Variants in PCOLCE observed in about 807,000 individuals in gnomAD.
The protein encoded by PCOLCE is procollagen C-endopeptidase enhancer, also known as procollagen C-endopeptidase enhancer 1.
PCOLCE carries 33 observed loss-of-function variants against 47.2 expected under a neutral mutation model. The ratio of observed to expected loss-of-function variants is 0.70; its 90% CI spans 0.53 to 0.93. The LOEUF (loss-of-function observed/expected upper bound fraction) is 0.93, where lower values mean the gene tolerates loss of function less well. PCOLCE is among the 40% of genes least tolerant of loss of function. PCOLCE has a pLI of 0.00. For synonymous variants in PCOLCE, 254 were observed against 252.5 expected (o/e 1.01, Z -0.06); for missense variants, 584 against 585.3 (o/e 1.00, Z 0.02).
At chr7:100,602,986 C>G in intron 1 of PCOLCE, 3 of 223,916 alleles carry the variant, frequency 1.3e-5, no homozygotes, top group Non-Finnish European at 2.6e-5. Context: ...CGGAGCCTGG[C>G]CTCCAGGTTC....
rs199764794 is a variant in PCOLCE at position 100,608,011 on chromosome 7, C to T, written c.1258C>T (p.Leu420Phe). Residue 420 changes from leucine to phenylalanine, a missense_variant, in exon 9 of 9, where the codon CTC (leucine) becomes TTC (phenylalanine). Coordinates refer to ENST00000223061, the MANE Select transcript of PCOLCE (RefSeq NM_002593.4). ...CCTTCCTCCAGAGAGCTTTGTGGTT[C>T]TCCACCGGCCCAACCAGGACCAGAT... ...PVLPPESFVVLHRPNQDQILT... is the reference protein window; with the variant it reads ...PVLPPESFVVFHRPNQDQILT... The T allele has an allele frequency of 6.2e-7, 1 of 1,614,106 alleles. No individual in the cohort carries two copies. Among genetic ancestry groups the T allele is most frequent in the Non-Finnish European group, 8.5e-7 (1 of 1,179,994 alleles).
In PCOLCE at chr7:100,606,637, C is replaced by A; in HGVS notation, c.940+7C>A. ...GAATCTCCTTCAGCCCCTGGTGAGT[C>A]TGGGATAGGGGAGGAAGGGGAAACA... On this transcript the variant is annotated splice_region_variant and intron_variant, in intron 6 of 8. Coordinates refer to ENST00000223061, the MANE Select transcript of PCOLCE (RefSeq NM_002593.4). 1.3e-6 allele frequency: 2 copies of A among 1,590,448 alleles called. No homozygotes were observed.
chr7:100,603,962 C>T lies in PCOLCE; in HGVS notation c.208C>T (p.Pro70Ser), dbSNP rs1310868097. Residue 70 changes from proline to serine, a missense_variant, in exon 3 of 9, where the codon CCC becomes TCC. Pro to Ser is a moderately conservative substitution (Grantham distance 74). Transcript: ENST00000223061. ...CCGCCTCTGTCCCCGCTATCAGGTC[C>T]CCGAGGGCCAGACTGTGTCCCTCTC... ...NKECIWTITV[P>S]EGQTVSLSFR... 1 of 1,600,796 alleles carries T rather than the reference C, an allele frequency of 6.2e-7. No individual in the cohort carries two copies. The highest frequency in any genetic ancestry group is 2.2e-5 in the East Asian group (1 of 44,880).
chr7:100,603,738 C>T (rs1186056998), intron 2 of PCOLCE, 200 bp downstream of exon 2: 4 of 612,882 alleles, frequency 6.5e-6, no homozygotes, highest in Non-Finnish European at 2.9e-6. Flanking sequence ...CTTCATTCTC[C>T]AGTCCCCGGC....
In PCOLCE at chr7:100,605,883, C is replaced by T; in HGVS notation, c.725+71C>T. Reference sequence around the variant, plus strand: ...GCACGCACGCGGCTGTTTGGAGGGGCGGGGTTCAGCTAAAGGGACGGGATC... The same window carrying T: ...GCACGCACGCGGCTGTTTGGAGGGGTGGGGTTCAGCTAAAGGGACGGGATC... On this transcript the variant is annotated intron_variant, in intron 5 of 8. Coordinates refer to ENST00000223061, the MANE Select transcript of PCOLCE (RefSeq NM_002593.4). The surrounding 1 kb of genome is among the most constrained non-coding windows in gnomAD (Gnocchi z 6.1). 6.8e-7 allele frequency: 1 copy of T among 1,477,734 alleles called. No individual in the cohort carries two copies. The allele number at this position is 1,477,734 out of a possible 1,614,324, so 91.5% of individuals were successfully genotyped here.
chr7:100,603,108 C>T, intron 1 of PCOLCE: 1 of 290,824 alleles, frequency 3.4e-6, no homozygotes, highest in East Asian at 7.4e-5. Flanking sequence ...TGTCCCTGGA[C>T]TGCCAGGCAG....
Position 100,607,485 on chromosome 7 carries a change from C to CAGGCACCTTGCAGAGCA in PCOLCE, c.976_992dup (p.Asn331LysfsTer15), listed in dbSNP as rs1802737473. On this transcript the variant is annotated frameshift_variant, in exon 7 of 9. Transcript: ENST00000223061. LOFTEE classifies it high-confidence loss of function. ...ACCTGCCCAAAGCAGTGCCGCCGGACAGGCACCTTGCAGAGCAACTTCTGT... is the reference window on the plus strand; with the variant it reads ...ACCTGCCCAAAGCAGTGCCGCCGGACAGGCACCTTGCAGAGCAAGGCACCTTGCAGAGCAACTTCTGT... 4 of 1,614,120 alleles carry CAGGCACCTTGCAGAGCA rather than the reference C, an allele frequency of 2.5e-6. No individual in the cohort carries two copies. The highest frequency in any genetic ancestry group is 3.4e-6 in the Non-Finnish European group (4 of 1,180,014).
In PCOLCE at chr7:100,608,008, GTTC is replaced by G; in HGVS notation, c.1257_1259del (p.Leu420del). The stretch of plus-strand genomic sequence containing the variant: ...CGTCCTTCCTCCAGAGAGCTTTGTG[GTTC>G]TCCACCGGCCCAACCAGGACCAGAT... On this transcript the variant is annotated inframe_deletion, in exon 9 of 9. Coordinates refer to ENST00000223061, the MANE Select transcript of PCOLCE (RefSeq NM_002593.4). 1.2e-6 allele frequency: 2 copies of G among 1,614,108 alleles called. No individual in the cohort carries two copies. The highest frequency in any genetic ancestry group is 1.7e-6 in the Non-Finnish European group (2 of 1,180,004).
chr7:100,604,766 C>T lies in PCOLCE; in HGVS notation c.464-325C>T, dbSNP rs1802681309. 2.6e-6 allele frequency: 1 copy of T among 380,946 alleles called. No homozygotes were observed. The highest frequency in any genetic ancestry group is 2.1e-5 in the African/African-American group (1 of 48,126). 23.6% of individuals were successfully genotyped at this position (380,946 alleles called of 1,614,324 possible). ...TCCAGCCTGAAAGGGGACTCTGCTG[C>T]AGGGCCGGGGAGATGGGATCTCCTA... On this transcript the variant is annotated intron_variant, in intron 3 of 8. Coordinates refer to ENST00000223061, the MANE Select transcript of PCOLCE (RefSeq NM_002593.4). The surrounding 1 kb of genome is among the most constrained non-coding windows in gnomAD (Gnocchi z 6.4).
rs749999227 is a variant in PCOLCE at position 100,607,696 on chromosome 7, G to A, written c.1072G>A (p.Val358Ile). The change falls in exon 8 of 9, where the codon GTC becomes ATC. Residue 358 changes from valine to isoleucine, a missense_variant. Val to Ile is a conservative substitution (Grantham distance 29). Transcript: ENST00000223061. ...GCCAGGGGAGGGCCTTGCCGTGACT[G>A]TCAGTCTTATTGGTGCTTATAAAAC... ...REPGEGLAVTVSLIGAYKTGG... is the reference protein window; with the variant it reads ...REPGEGLAVTISLIGAYKTGG... 3 of 1,614,036 alleles carry A rather than the reference G, an allele frequency of 1.9e-6. No homozygotes were observed. Among genetic ancestry groups the A allele is most frequent in the Non-Finnish European group, 1.7e-6 (2 of 1,179,964 alleles).
In PCOLCE at chr7:100,607,634, C is replaced by T; in HGVS notation, c.1013-3C>T. Reference sequence around the variant, plus strand: ...CTCATCTCTCACTCCCATTCTCCCACAGTGGTGACTGCGACAGTGAAGTCC... The same window carrying T: ...CTCATCTCTCACTCCCATTCTCCCATAGTGGTGACTGCGACAGTGAAGTCC... On this transcript the variant is annotated splice_polypyrimidine_tract_variant and splice_region_variant and intron_variant, in intron 7 of 8. Transcript: ENST00000223061. 1 of 1,613,914 alleles carries T rather than the reference C, an allele frequency of 6.2e-7. No homozygotes were observed. Among genetic ancestry groups the T allele is most frequent in the Non-Finnish European group, 8.5e-7 (1 of 1,179,784 alleles).
At chr7:100,603,347 C>A in intron 1 of PCOLCE, 83 bp from the exon 2 acceptor site, 1 of 704,096 alleles carries the variant, frequency 1.4e-6, no homozygotes, top group Non-Finnish European at 2.5e-6. Flanking sequence ...GGAGTTTCAT[C>A]CTCATCACCT....
At position 100,604,300 on chromosome 7, in the gene PCOLCE, C is replaced by T. The variant is rs530967366; in HGVS notation, c.463+83C>T. 1,241 of 1,289,066 alleles carry T rather than the reference C, an allele frequency of 9.6e-4. 9 individuals are homozygous for T. In the African/African-American group the frequency reaches 0.017, roughly 17 times the overall value. The allele number at this position is 1,289,066 out of a possible 1,614,324, so 79.9% of individuals were successfully genotyped here. A position where few individuals can be genotyped will look rare whatever the true frequency, so the allele number is the denominator to read the frequency against. ...CCGCCCCCAGCCCTAACCTCCGCCCCGCCCACCCCGCGCCCCAGTGCCTAG... is the reference window on the plus strand; with the variant it reads ...CCGCCCCCAGCCCTAACCTCCGCCCTGCCCACCCCGCGCCCCAGTGCCTAG... On this transcript the variant is annotated intron_variant, in intron 3 of 8. Transcript: ENST00000223061. This position sits in a 1 kb window ranked among gnomAD's most constrained non-coding sequence, Gnocchi z 6.4.
Position 100,605,865 on chromosome 7 carries a change from C to A in PCOLCE, c.725+53C>A. The A allele has an allele frequency of 6.5e-7, 1 of 1,531,014 alleles. No individual in the cohort carries two copies. Among genetic ancestry groups the A allele is most frequent in the Non-Finnish European group, 8.8e-7 (1 of 1,132,928 alleles). The allele number at this position is 1,531,014 out of a possible 1,614,324, so 94.8% of individuals were successfully genotyped here. A position where few individuals can be genotyped will look rare whatever the true frequency, so the allele number is the denominator to read the frequency against. ...GGAGAGAGTCGGCGGACCGCACGCA[C>A]GCGGCTGTTTGGAGGGGCGGGGTTC... On this transcript the variant is annotated intron_variant, in intron 5 of 8. Transcript: ENST00000223061. This position sits in a 1 kb window ranked among gnomAD's most constrained non-coding sequence, Gnocchi z 6.1.
At position 100,607,453 on chromosome 7, in the gene PCOLCE, T is replaced by G; in HGVS notation, c.942T>G (p.Asp314Glu). The G allele has an allele frequency of 6.2e-7, 1 of 1,613,854 alleles. No individual in the cohort carries two copies. Among genetic ancestry groups the G allele is most frequent in the South Asian group, 1.1e-5 (1 of 91,064 alleles). Residue 314 changes from aspartate to glutamate, a missense_variant and splice_region_variant, in exon 7 of 9, where the codon GAT becomes GAG. Asp to Glu is a conservative substitution (Grantham distance 45, BLOSUM62 2). Coordinates refer to ENST00000223061, the MANE Select transcript of PCOLCE (RefSeq NM_002593.4). ...ACCCTCCACCCTCCTCCCTCCTAGATGCACCCACCTGCCCAAAGCAGTGCC... is the reference window on the plus strand; with the variant it reads ...ACCCTCCACCCTCCTCCCTCCTAGAGGCACCCACCTGCCCAAAGCAGTGCC... ...EKTEESPSAP[D>E]APTCPKQCRR... is the part of the protein sequence containing the mutation.
rs543540108 is a variant in PCOLCE at position 100,603,413 on chromosome 7, C to G, written c.96-17C>G. On this transcript the variant is annotated splice_polypyrimidine_tract_variant and intron_variant, in intron 1 of 8. Coordinates refer to ENST00000223061, the MANE Select transcript of PCOLCE (RefSeq NM_002593.4). ...CACCCGTCCCTGCTCTTTCCTGACC[C>G]CTTTTCTGTTCTCCAGACCCGTGTT... is the stretch of plus-strand genomic sequence containing the variant. 6.9e-7 allele frequency: 1 copy of G among 1,450,322 alleles called. No homozygotes were observed. The highest frequency in any genetic ancestry group is 1.4e-5 in the African/African-American group (1 of 70,796). The allele number at this position is 1,450,322 out of a possible 1,614,324, so 89.8% of individuals were successfully genotyped here.
At position 100,607,812 on chromosome 7, in the gene PCOLCE, C is replaced by T. The variant is rs1366541941; in HGVS notation, c.1183+5C>T. On this transcript the variant is annotated splice_donor_5th_base_variant and intron_variant, in intron 8 of 8. Coordinates refer to ENST00000223061, the MANE Select transcript of PCOLCE (RefSeq NM_002593.4). ...AGTGCCCCCCCATGAAGAAAGGTAA[C>T]AGAGATGTGGGGAAATGGGGATGGG... 6.2e-7 allele frequency: 1 copy of T among 1,613,908 alleles called. No individual in the cohort carries two copies. The highest frequency in any genetic ancestry group is 8.5e-7 in the Non-Finnish European group (1 of 1,179,974).
chr7:100,603,477 T>C lies in PCOLCE; in HGVS notation c.143T>C (p.Val48Ala). The C allele has an allele frequency of 6.2e-7, 1 of 1,607,386 alleles. No individual in the cohort carries two copies. The highest frequency in any genetic ancestry group is 8.5e-7 in the Non-Finnish European group (1 of 1,177,044). ...GGDVKGESGY[V>A]ASEGFPNLYP... Reference sequence around the variant, plus strand: ...GATGTGAAGGGGGAATCAGGTTACGTGGCAAGTGAGGGGTTCCCCAACCTC... The same window carrying C: ...GATGTGAAGGGGGAATCAGGTTACGCGGCAAGTGAGGGGTTCCCCAACCTC... The change falls in exon 2 of 9, where the codon GTG becomes GCG. Residue 48 changes from valine to alanine, a missense_variant. Transcript: ENST00000223061.
In PCOLCE at chr7:100,607,707, T is replaced by C. The variant is rs1229368948; in HGVS notation, c.1083T>C (p.Ile361=). The C allele has an allele frequency of 6.2e-7, 1 of 1,613,970 alleles. No individual in the cohort carries two copies. The highest frequency in any genetic ancestry group is 2.2e-5 in the East Asian group (1 of 44,862). ...GEGLAVTVSL[I]GAYKTGGLDL... ...GCCTTGCCGTGACTGTCAGTCTTAT[T>C]GGTGCTTATAAAACTGGAGGACTGG... The change falls in exon 8 of 9, where the codon ATT becomes ATC. Residue 361 remains isoleucine, a synonymous_variant. Coordinates refer to ENST00000223061, the MANE Select transcript of PCOLCE (RefSeq NM_002593.4).
Sources: gnomAD v4.1 joint callset for allele counts on GRCh38, gnomAD v4.1.1 for gene constraint, Gnocchi (gnomAD v3.1) non-coding constraint, MANE v1.5 for transcripts, NCBI Gene and HGNC (gene_info 2026-07-23, HGNC 2026-07-21) for gene names.